The following HUNK variants were observed in gnomAD, a reference collection of about 807,000 sequenced individuals.
The protein encoded by HUNK is hormonally up-regulated neu tumor-associated kinase.
A neutral mutation model predicts 61.0 loss-of-function variants in HUNK; 21 were observed. The ratio of observed to expected loss-of-function variants is 0.34; its 90% confidence interval spans 0.24 to 0.50. The LOEUF is 0.50. Ranked by LOEUF, HUNK falls within the 20% of genes least tolerant of loss-of-function variation. The pLI is 0.98. For synonymous variants in HUNK, 371 were observed against 386.1 expected, an observed-to-expected ratio of 0.96 and a Z score of 0.46; for missense variants, 772 against 945.7, an observed-to-expected ratio of 0.82 and a Z score of 2.41.
intron 4 of HUNK, among the ~76,000 whole-genome samples, chr21:31,956,554 C>CTGATATATATATATATA (rs2052890576): frequency 1.3e-5 from 2 of 152,284 alleles, no homozygotes; most frequent in East Asian, 1.9e-4. Context: ...AAATATATCA[C>CTGATATATATATATATA]TAGCCCTGAT....
At chr21:31,928,733 A>C (rs933688442) in intron 2 of HUNK, among the ~76,000 whole-genome samples, 1 of 152,202 alleles carries the variant, frequency 6.6e-6, no homozygotes, top group African/African-American at 2.4e-5. Flanking sequence ...CTTTAACGGA[A>C]TGTCTTGACT....
intron 4 of HUNK, among the ~76,000 whole-genome samples, chr21:31,948,619 G>C (rs1300919084): frequency 6.6e-6 from 1 of 152,128 alleles, no homozygotes; most frequent in Admixed American, 6.5e-5. Context: ...AAAGGAGGTG[G>C]GAAGGAGGAG....
intron 1 of HUNK, among the ~76,000 whole-genome samples, chr21:31,890,520 G>A (rs962727145): frequency 7.2e-5 from 11 of 152,028 alleles, no homozygotes; most frequent in African/African-American, 2.4e-4. Context: ...ATGAGCCACC[G>A]CGCCTGGCCG....
chr21:31,874,070 T>C, intron 1 of HUNK, 135 bp downstream of exon 1: 1 of 646,116 alleles, frequency 1.5e-6, no homozygotes, highest in East Asian at 3.5e-5. Flanking sequence ...CCGGCTTTCC[T>C]GTTGGGTTAA....
Position 31,940,144 on chromosome 21 carries a change from G to C in HUNK, c.555-21G>C, listed in dbSNP as rs138391065. On this transcript the variant is annotated intron_variant, in intron 2 of 10. Transcript: ENST00000270112. ...ATTTCGAATGCTTATCTGAAATGCT[G>C]TGTGGTTTTGTTTATTTCAGAGACT... 13 of 1,563,500 alleles carry C rather than the reference G, an allele frequency of 8.3e-6. No homozygotes were observed. The African/African-American group carries it at 1.2e-4, about 15-fold the overall frequency.
At chr21:31,883,274 T>C (rs912832495) in intron 1 of HUNK, among the ~76,000 whole-genome samples, 2 of 152,134 alleles carry the variant, frequency 1.3e-5, no homozygotes, top group African/African-American at 4.8e-5. Flanking sequence ...TATGGGAGTG[T>C]TTGCTTTTCC....
intron 1 of HUNK, among the ~76,000 whole-genome samples, chr21:31,917,372 G>A (rs1359886069): frequency 2.6e-5 from 4 of 152,060 alleles, no homozygotes; most frequent in African/African-American, 9.7e-5. Flanking sequence ...TTTGTGAGAT[G>A]AGGTTTCGCC....
At chr21:31,990,626 G>A (rs906605266) in intron 9 of HUNK, among the ~76,000 whole-genome samples, 3 of 151,648 alleles carry the variant, frequency 2.0e-5, no homozygotes, top group Non-Finnish European at 2.9e-5. Context: ...ACCTCCACCT[G>A]CCAGGTTCAA....
chr21:31,917,826 C>T (rs373652904), intron 1 of HUNK, among the ~76,000 whole-genome samples: 1 of 151,624 alleles, frequency 6.6e-6, no homozygotes, highest in Non-Finnish European at 1.5e-5. Context: ...AATCGGGGAA[C>T]CTGCAGCGTT....
intron 5 of HUNK, among the ~76,000 whole-genome samples, chr21:31,960,841 C>G (rs1054738970): frequency 6.6e-6 from 1 of 152,142 alleles, no homozygotes; most frequent in Non-Finnish European, 1.5e-5. Flanking sequence ...ACAGCCAAAC[C>G]ATATCACCCA....
chr21:31,929,787 A>G (rs1178377595), intron 2 of HUNK, among the ~76,000 whole-genome samples: 5 of 152,232 alleles, frequency 3.3e-5, no homozygotes, highest in Admixed American at 3.3e-4. Context: ...TTATCCATTC[A>G]TCAATATGGA....
chr21:31,964,652 G>T (rs930648421), intron 5 of HUNK, among the ~76,000 whole-genome samples: 7 of 152,110 alleles, frequency 4.6e-5, no homozygotes, highest in African/African-American at 1.7e-4. Flanking sequence ...TAAGGCAGGG[G>T]TTTTCAGGAC....
chr21:31,924,778 C>T lies in HUNK; in HGVS notation c.554+18C>T. 6.4e-7 allele frequency: 1 copy of T among 1,569,744 alleles called. No homozygotes were observed. Among genetic ancestry groups the T allele is most frequent in the Non-Finnish European group, 8.6e-7 (1 of 1,158,680 alleles). ...GTCCACAGGTAAGGGCCAGGCCACG[C>T]TGGTGATCGCTGACTGTGTGCTCCG... On this transcript the variant is annotated intron_variant, in intron 2 of 10. Coordinates refer to ENST00000270112, the MANE Select transcript of HUNK (RefSeq NM_014586.2). This position sits in a 1 kb window ranked among gnomAD's most constrained non-coding sequence, Gnocchi z 5.1.
At chr21:31,925,533 C>T (rs2052653866) in intron 2 of HUNK, among the ~76,000 whole-genome samples, 1 of 152,218 alleles carries the variant, frequency 6.6e-6, no homozygotes, top group Non-Finnish European at 1.5e-5. Context: ...CTTTGCTTTA[C>T]ACATAGTAGA....
Position 31,985,117 on chromosome 21 carries a change from G to A in HUNK, c.1257+1508G>A, listed in dbSNP as rs370900022. 8.3e-4 allele frequency among the ~76,000 whole-genome samples: 127 copies of A among 152,242 alleles called. 3 individuals carry two copies. In the East Asian group the frequency reaches 0.016, roughly 19 times the overall value. On this transcript the variant is annotated intron_variant, in intron 8 of 10. Coordinates refer to ENST00000270112, the MANE Select transcript of HUNK (RefSeq NM_014586.2). ...GATTCAGTGATCTCCACCTGTCCCC[G>A]CCCTTGACACATGGGGATTATTACA...
intron 1 of HUNK, among the ~76,000 whole-genome samples, chr21:31,885,291 A>G (rs2052338075): frequency 6.6e-6 from 1 of 152,232 alleles, no homozygotes; most frequent in African/African-American, 2.4e-5. Flanking sequence ...GTGACAGTGC[A>G]TGCGCCTTGG....
At position 31,998,787 on chromosome 21, in the gene HUNK, T is replaced by C; in HGVS notation, c.1748T>C (p.Leu583Pro). ...VLSPSHHYRI[L>P]NSPVSLARRN... ...TCTCCCTCTCATCACTACAGGATTC[T>C]GAACTCCCCGGTCAGCTTGGCTCGC... Residue 583 changes from leucine to proline, a missense_variant, in exon 11 of 11, where the codon CTG becomes CCG. Leu to Pro is a moderately conservative substitution (Grantham distance 98, BLOSUM62 -3). Transcript: ENST00000270112. 6.2e-7 allele frequency: 1 copy of C among 1,614,212 alleles called. No homozygotes were observed. The highest frequency in any genetic ancestry group is 1.1e-5 in the South Asian group (1 of 91,082).
chr21:31,975,187 C>A (rs2053040159), intron 7 of HUNK, among the ~76,000 whole-genome samples: 1 of 152,116 alleles, frequency 6.6e-6, no homozygotes, highest in Admixed American at 6.6e-5. Flanking sequence ...ATTGGACTTG[C>A]CTGGCCTGAC....
rs979912782 is a variant in HUNK, at chr21:31,922,852, G to A, written c.262-1616G>A. 4.6e-5 allele frequency among the ~76,000 whole-genome samples: 7 copies of A among 152,158 alleles called. No homozygotes were observed. In the East Asian group the frequency reaches 5.8e-4, roughly 13 times the overall value. On this transcript the variant is annotated intron_variant, in intron 1 of 10. Coordinates refer to ENST00000270112, the MANE Select transcript of HUNK (RefSeq NM_014586.2). Reference sequence around the variant, plus strand: ...ATTGCATATAATGCATATTGAGTGCGTTGTGAAACAGGTACAAAATGTAAT... The same window carrying A: ...ATTGCATATAATGCATATTGAGTGCATTGTGAAACAGGTACAAAATGTAAT...
Sources: allele counts gnomAD v4.1 joint callset (sites outside exome capture counted in the v4.1 genomes callset), GRCh38; gene constraint gnomAD v4.1.1; non-coding constraint Gnocchi (gnomAD v3.1); transcripts MANE v1.5; gene names NCBI Gene and HGNC (gene_info 2026-07-23, HGNC 2026-07-21).